VPS54: variants seen among roughly 807,000 people sequenced by gnomAD.
VPS54 encodes vacuolar protein sorting-associated protein 54.
In VPS54, 45 loss-of-function variants were observed where a neutral mutation model predicts 121.5. The observed-to-expected ratio is 0.37, with a 90% CI of 0.29 to 0.47. The LOEUF (loss-of-function observed/expected upper bound fraction) is 0.47, where lower values mean the gene tolerates loss of function less well. Among genes scored for constraint, VPS54 ranks in the 20% least tolerant of loss-of-function variants. The probability of loss-of-function intolerance (pLI) is 0.99; values close to 1 mark genes in which losing one functional copy is unlikely to be tolerated. For synonymous variants in VPS54, 371 were observed against 385.8 expected (o/e 0.96, Z 0.45); for missense variants, 1,090 against 1,131.4 (o/e 0.96, Z 0.52).
chr2:63,914,503 C>T (rs1301243788), intron 16 of VPS54, among the ~76,000 whole-genome samples: 1 of 152,148 alleles, frequency 6.6e-6, no homozygotes, highest in African/African-American at 2.4e-5. Flanking sequence ...TTTAAAGAGG[C>T]TCTTACTCTG....
intron 7 of VPS54, among the ~76,000 whole-genome samples, chr2:63,952,345 T>C (rs1675292975): frequency 6.6e-6 from 1 of 152,190 alleles, no homozygotes; most frequent in African/African-American, 2.4e-5. Flanking sequence ...GGAAAATATG[T>C]TTATATCTCA....
intron 11 of VPS54, among the ~76,000 whole-genome samples, chr2:63,938,448 G>T (rs769603877): frequency 3.9e-5 from 6 of 152,032 alleles, no homozygotes; most frequent in Non-Finnish European, 8.8e-5. Context: ...GGGACTTTCA[G>T]CCCCACCTTG....
intron 9 of VPS54, among the ~76,000 whole-genome samples, chr2:63,945,715 C>A (rs545576752): frequency 6.6e-6 from 1 of 152,136 alleles, no homozygotes; most frequent in East Asian, 1.9e-4. Context: ...CAAAACTGTT[C>A]AAAATCCTAC....
At chr2:64,004,063 A>G (rs1279914943) in intron 1 of VPS54, among the ~76,000 whole-genome samples, 1 of 152,240 alleles carries the variant, frequency 6.6e-6, no homozygotes, top group Non-Finnish European at 1.5e-5. Context: ...CAAAGGACCA[A>G]GTTAAAAGGG....
intron 3 of VPS54, among the ~76,000 whole-genome samples, chr2:63,979,227 T>G (rs951002356): frequency 3.7e-4 from 56 of 151,662 alleles, no homozygotes; most frequent in Non-Finnish European, 7.7e-4. Context: ...GTTTATTCTT[T>G]CTTTTTTCTG....
chr2:63,942,529 G>A lies in VPS54; in HGVS notation c.1334C>T (p.Pro445Leu). The change falls in exon 11 of 23, where the codon CCC (proline) becomes CTC (leucine). Residue 445 changes from proline to leucine, a missense_variant. Coordinates refer to ENST00000272322, the MANE Select transcript of VPS54 (RefSeq NM_016516.3). ...ATCCTTGAGCAGATCAAACCACTGGGGAAAATTCAACATTCTCATCTGATC... is the reference window on the plus strand; with the variant it reads ...ATCCTTGAGCAGATCAAACCACTGGAGAAAATTCAACATTCTCATCTGATC... ...LADQMRMLNF[P>L]QWFDLLKDIF... 6.3e-7 allele frequency: 1 copy of A among 1,595,364 alleles called. No homozygotes were observed. The highest frequency in any genetic ancestry group is 8.5e-7 in the Non-Finnish European group (1 of 1,169,898).
intron 11 of VPS54, 119 bp from the exon 12 acceptor site, chr2:63,934,132 T>G (rs760523196): frequency 8.4e-6 from 7 of 832,116 alleles, no homozygotes; most frequent in Non-Finnish European, 9.1e-6. Context: ...GTCAAAGTCA[T>G]GTATATCAGA....
At chr2:63,982,160 C>T (rs1268380053) in intron 2 of VPS54, among the ~76,000 whole-genome samples, 1 of 151,968 alleles carries the variant, frequency 6.6e-6, no homozygotes, top group African/African-American at 2.4e-5. Context: ...GAAAGTCTTT[C>T]ATGAACTCCT....
At chr2:63,977,237 T>C (rs1401407535) in intron 3 of VPS54, among the ~76,000 whole-genome samples, 1 of 152,240 alleles carries the variant, frequency 6.6e-6, no homozygotes, top group Non-Finnish European at 1.5e-5. Flanking sequence ...TCAATTTCCC[T>C]GATTTCTGCT....
intron 2 of VPS54, 48 bp downstream of exon 2, chr2:63,983,816 G>T (rs764442671): frequency 1.3e-6 from 2 of 1,544,958 alleles, no homozygotes; most frequent in African/African-American, 1.4e-5. Context: ...CTCATTTAAA[G>T]ATAATAGAAA....
intron 3 of VPS54, among the ~76,000 whole-genome samples, chr2:63,972,654 G>T (rs1306175594): frequency 6.6e-6 from 1 of 152,130 alleles, no homozygotes; most frequent in Non-Finnish European, 1.5e-5. Context: ...CAGAGGCCAA[G>T]GCGGGCCGAT....
At chr2:63,962,512 T>G in intron 6 of VPS54, 69 bp from the exon 7 acceptor site, 2 of 1,474,898 alleles carry the variant, frequency 1.4e-6, no homozygotes, top group Non-Finnish European at 1.8e-6. Context: ...AAATACTTTA[T>G]GACAATGATA....
chr2:63,929,222 GCAC>G (rs1490414753), intron 12 of VPS54, among the ~76,000 whole-genome samples: 1 of 152,134 alleles, frequency 6.6e-6, no homozygotes, highest in African/African-American at 2.4e-5. Flanking sequence ...ATTCTTCTCA[GCAC>G]CACATCACAC....
chr2:64,017,805 C>G (rs1034650590), intron 1 of VPS54, among the ~76,000 whole-genome samples: 24 of 152,188 alleles, frequency 1.6e-4, no homozygotes, highest in African/African-American at 5.3e-4. Flanking sequence ...CATCTACTGT[C>G]GTCCCAAACA....
Position 63,969,803 on chromosome 2 carries a change from G to T in VPS54, c.458-812C>A, listed in dbSNP as rs975339404. ...TATCTTTTCAAGTTTTGGTAAGACT[G>T]AATATGGCATGCTATGTAATTTTAA... On this transcript the variant is annotated intron_variant, in intron 4 of 22. Coordinates refer to ENST00000272322, the MANE Select transcript of VPS54 (RefSeq NM_016516.3). 4.0e-4 allele frequency among the ~76,000 whole-genome samples: 61 copies of T among 152,080 alleles called. 1 individual carries two copies. Among genetic ancestry groups the T allele is most frequent in the Admixed American group, 2.6e-3 (40 of 15,274 alleles).
At chr2:63,995,918 G>A (rs1677563103) in intron 1 of VPS54, among the ~76,000 whole-genome samples, 1 of 152,200 alleles carries the variant, frequency 6.6e-6, no homozygotes, top group Admixed American at 6.5e-5. Flanking sequence ...TGGAGCTGAG[G>A]CGTTAGATCA....
chr2:63,913,926 C>T, intron 17 of VPS54: 1 of 1,267,942 alleles, frequency 7.9e-7, no homozygotes, highest in African/African-American at 1.6e-5. Flanking sequence ...TGTTCAGCAC[C>T]TAACGAACAA....
At chr2:63,927,378 A>G (rs1673958123) in intron 12 of VPS54, among the ~76,000 whole-genome samples, 1 of 152,180 alleles carries the variant, frequency 6.6e-6, no homozygotes, top group African/African-American at 2.4e-5. Context: ...CAGGGTCTGG[A>G]GTGGACCTCC....
chr2:63,942,335 C>A, intron 11 of VPS54, 130 bp downstream of exon 11: 1 of 576,146 alleles, frequency 1.7e-6, no homozygotes, highest in South Asian at 4.4e-5. Flanking sequence ...AAAAACAAGC[C>A]TCTTTAGAAA....
Sources: gnomAD v4.1 joint callset for allele counts (sites outside exome capture counted in the v4.1 genomes callset) on GRCh38, gnomAD v4.1.1 for gene constraint, MANE v1.5 for transcripts, NCBI Gene and HGNC (gene_info 2026-07-23, HGNC 2026-07-21) for gene names.